Variants in GRIP1 observed in about 807,000 individuals in gnomAD.
GRIP1 encodes glutamate receptor interacting protein 1.
GRIP1 carries 45 observed loss-of-function variants against 129.9 expected under a neutral mutation model. The ratio of observed to expected loss-of-function variants is 0.35; its 90% CI spans 0.27 to 0.44. GRIP1 has a LOEUF of 0.44. Among genes scored for constraint, GRIP1 ranks in the 20% least tolerant of loss-of-function variants. GRIP1 has a pLI of 1.00. For synonymous variants in GRIP1, 530 were observed against 520.8 expected (o/e 1.02, Z -0.24); for missense variants, 1,196 against 1,396.8 (o/e 0.86, Z 2.29).
intron 16 of GRIP1, among the ~76,000 whole-genome samples, chr12:66,402,705 G>T (rs1413393909): frequency 6.6e-6 from 1 of 152,130 alleles, no homozygotes; most frequent in Non-Finnish European, 1.5e-5. Flanking sequence ...TATTTCTGGG[G>T]GTGGAGAATA....
Position 66,394,343 on chromosome 12 carries a change from T to A in GRIP1, c.1994A>T (p.Glu665Val), listed in dbSNP as rs769487345. The stretch of plus-strand genomic sequence containing the variant: ...GGTGTAAATAATTGCTCCGGAACTT[T>A]CTTGCTCATCTGTAATAAATGCCAA... ...RKDEDNSDEQ[E>V]SSGAIIYTVE... Residue 665 changes from glutamate to valine, a missense_variant, in exon 17 of 25, where the codon GAA becomes GTA. Glu to Val is a moderately radical substitution (Grantham distance 121). Coordinates refer to ENST00000359742, the MANE Select transcript of GRIP1 (RefSeq NM_001366722.1). 3 of 1,613,986 alleles carry A rather than the reference T, an allele frequency of 1.9e-6. No individual in the cohort carries two copies.
intron 4 of GRIP1, among the ~76,000 whole-genome samples, chr12:66,536,357 C>T (rs560280456): frequency 6.6e-6 from 1 of 152,286 alleles, no homozygotes; most frequent in East Asian, 1.9e-4. Flanking sequence ...ACTTAAGGTC[C>T]TCCCAGTGGC....
At chr12:66,934,705 T>A (rs1170604461) in intron 1 of GRIP1, among the ~76,000 whole-genome samples, 2 of 152,254 alleles carry the variant, frequency 1.3e-5, no homozygotes, top group African/African-American at 4.8e-5. Flanking sequence ...GTTTTTCTTC[T>A]TTTCCAACCA....
chr12:67,019,992 T>C (rs1023915579), intron 1 of GRIP1, among the ~76,000 whole-genome samples: 1 of 152,208 alleles, frequency 6.6e-6, no homozygotes, highest in African/African-American at 2.4e-5. Flanking sequence ...CTTCCTTTAG[T>C]TGTTAATTAT....
intron 1 of GRIP1, among the ~76,000 whole-genome samples, chr12:66,969,260 T>C (rs924203893): frequency 1.3e-5 from 2 of 152,202 alleles, no homozygotes; most frequent in Non-Finnish European, 2.9e-5. Context: ...ATGTCTGTCA[T>C]TAATTTTGGA....
intron 2 of GRIP1, among the ~76,000 whole-genome samples, chr12:66,564,414 A>C (rs928417244): frequency 2.6e-5 from 4 of 151,716 alleles, no homozygotes; most frequent in African/African-American, 9.7e-5. Context: ...GCTCAGAATG[A>C]TGGTTTCCAG....
chr12:66,452,108 G>C (rs1291882916), intron 11 of GRIP1, among the ~76,000 whole-genome samples: 1 of 152,216 alleles, frequency 6.6e-6, no homozygotes, highest in Non-Finnish European at 1.5e-5. Context: ...ACTGGGAAGA[G>C]ACGGAGTCTC....
intron 1 of GRIP1, among the ~76,000 whole-genome samples, chr12:67,019,770 T>C (rs973639046): frequency 1.3e-5 from 2 of 151,896 alleles, no homozygotes; most frequent in Admixed American, 6.6e-5. Flanking sequence ...ATATATGTAA[T>C]TACTAAAATA....
chr12:66,595,861 AG>A (rs1435059263), intron 2 of GRIP1, among the ~76,000 whole-genome samples: 1 of 152,220 alleles, frequency 6.6e-6, no homozygotes, highest in Non-Finnish European at 1.5e-5. Flanking sequence ...ATAAAAATAA[AG>A]AATAATCATG....
At chr12:66,993,429 G>C (rs1421941524) in intron 1 of GRIP1, among the ~76,000 whole-genome samples, 3 of 151,232 alleles carry the variant, frequency 2.0e-5, no homozygotes, top group African/African-American at 7.3e-5. Context: ...GCTTTGAAAA[G>C]ACCAACAAAA....
chr12:66,640,141 T>C (rs11176355), intron 1 of GRIP1, among the ~76,000 whole-genome samples: 29,959 of 152,070 alleles, frequency 0.2, 3,077 homozygotes, highest in Non-Finnish European at 0.23. Flanking sequence ...TCCCAAAGCA[T>C]CTCATGCATA....
intron 1 of GRIP1, chr12:66,804,000 A>G (rs1357337308): frequency 4.9e-6 from 2 of 411,950 alleles, no homozygotes; most frequent in Non-Finnish European, 4.9e-6. Context: ...CACAAGGTTT[A>G]TTGTTAGCCC....
chr12:66,705,908 A>G (rs1483360387), intron 1 of GRIP1, among the ~76,000 whole-genome samples: 3 of 152,206 alleles, frequency 2.0e-5, no homozygotes, highest in Admixed American at 6.5e-5. Flanking sequence ...AATTAACTCA[A>G]GGTGGATAAA....
chr12:66,369,924 C>A (rs1270237212), intron 23 of GRIP1, among the ~76,000 whole-genome samples: 1 of 152,180 alleles, frequency 6.6e-6, no homozygotes, highest in African/African-American at 2.4e-5. Flanking sequence ...AACAAGCTAA[C>A]CTGTGGCTGG....
Position 66,800,746 on chromosome 12 carries a change from C to T in GRIP1, c.-420+3307G>A, listed in dbSNP as rs1269824527. 5.9e-5 allele frequency among the ~76,000 whole-genome samples: 9 copies of T among 152,138 alleles called. No individual in the cohort carries two copies. The East Asian group carries it at 1.7e-3, about 29-fold the overall frequency. On this transcript the variant is annotated intron_variant, in intron 1 of 4. Transcript: ENST00000538373. ...GTTAGGGTCCTTTTCTAGCTCTTCA[C>T]TACATTCAAGTTTATGACAGTTTTG... is the stretch of plus-strand genomic sequence containing the variant.
At chr12:66,707,442 CCTT>C (rs917970263) in intron 1 of GRIP1, among the ~76,000 whole-genome samples, 8 of 149,876 alleles carry the variant, frequency 5.3e-5, no homozygotes, top group African/African-American at 1.7e-4. Flanking sequence ...CAAACACAAT[CCTT>C]CTTCTCTGAG....
At chr12:66,622,030 C>T (rs993631608) in intron 1 of GRIP1, among the ~76,000 whole-genome samples, 3 of 151,994 alleles carry the variant, frequency 2.0e-5, no homozygotes, top group African/African-American at 7.2e-5. Flanking sequence ...ATATTTTCTC[C>T]CATTCCATGG....
At chr12:66,652,734 G>T (rs1378140650) in intron 1 of GRIP1, among the ~76,000 whole-genome samples, 1 of 152,194 alleles carries the variant, frequency 6.6e-6, no homozygotes, top group Non-Finnish European at 1.5e-5. Context: ...CACTCCAGGT[G>T]CTTTTCCTGC....
intron 8 of GRIP1, among the ~76,000 whole-genome samples, chr12:66,464,849 C>T (rs368227168): frequency 1.7e-4 from 25 of 151,282 alleles, no homozygotes; most frequent in African/African-American, 5.8e-4. Context: ...TGTGTATATG[C>T]ATGTGTATAT....
Sources: gnomAD v4.1 joint callset for allele counts (sites outside exome capture counted in the v4.1 genomes callset) on GRCh38, gnomAD v4.1.1 for gene constraint, MANE v1.5 for transcripts, NCBI Gene and HGNC (gene_info 2026-07-23, HGNC 2026-07-21) for gene names.